Variants in CWC27 observed in about 807,000 individuals in gnomAD.
CWC27 encodes the protein spliceosome-associated protein CWC27 homolog.
In CWC27, 47 loss-of-function variants were observed where a neutral mutation model predicts 63.6. The observed-to-expected ratio is 0.74, with a 90% CI of 0.58 to 0.94. CWC27 has a LOEUF of 0.94. CWC27 is among the 40% of genes least tolerant of loss of function. CWC27 has a pLI of 0.00. For synonymous variants in CWC27, 175 were observed against 179.8 expected, an observed-to-expected ratio of 0.97 and a Z score of 0.22; for missense variants, 495 against 554.3, an observed-to-expected ratio of 0.89 and a Z score of 1.07.
intron 11 of CWC27, among the ~76,000 whole-genome samples, chr5:64,924,438 T>C (rs1316510595): frequency 2.0e-5 from 3 of 152,328 alleles, no homozygotes; most frequent in Admixed American, 6.5e-5. Flanking sequence ...TAAAATGTGA[T>C]CAGAATCTGA....
chr5:64,992,723 C>T (rs1301830068), intron 13 of CWC27, among the ~76,000 whole-genome samples: 1 of 149,026 alleles, frequency 6.7e-6, no homozygotes, highest in East Asian at 2.0e-4. Context: ...TTAATAGAGA[C>T]AGGGTTTCAC....
rs543492497 is a variant in CWC27, at chr5:64,786,509, TA to T, written c.496-14del. 210 of 1,461,278 alleles carry T rather than the reference TA, an allele frequency of 1.4e-4. 1 individual carries two copies. The Admixed American group carries it at 1.9e-3, about 13-fold the overall frequency. The allele number at this position is 1,461,278 out of a possible 1,614,324, so 90.5% of individuals were successfully genotyped here. On this transcript the variant is annotated splice_polypyrimidine_tract_variant and intron_variant, in intron 5 of 13. Coordinates refer to ENST00000381070, the MANE Select transcript of CWC27 (RefSeq NM_005869.4). ...TAAAAATGGAATAATGTTTTCGAAA[TA>T]TTTTTTTTCATAGGTTTTGTTTAAT...
intron 11 of CWC27, among the ~76,000 whole-genome samples, chr5:64,960,843 G>A (rs551157577): frequency 6.6e-6 from 1 of 151,500 alleles, no homozygotes; most frequent in East Asian, 1.9e-4. Context: ...GAACTCCTAG[G>A]CCCAAGTGAT....
chr5:64,966,669 G>A (rs1221957211), intron 11 of CWC27, among the ~76,000 whole-genome samples: 1 of 152,028 alleles, frequency 6.6e-6, no homozygotes, highest in Non-Finnish European at 1.5e-5. Flanking sequence ...CTCCTATACT[G>A]GAAACTGAGA....
intron 10 of CWC27, among the ~76,000 whole-genome samples, chr5:64,827,721 G>A (rs1326886217): frequency 6.6e-6 from 1 of 151,868 alleles, no homozygotes; most frequent in Non-Finnish European, 1.5e-5. Flanking sequence ...CTGTTTTCAA[G>A]ATACTACATA....
rs529116735 is a variant in CWC27, at chr5:64,885,907, A to C, written c.1042+361A>C. Reference sequence around the variant, plus strand: ...AGCAAAACTTAAAGGTTGCCATAGCATCTAACTAGATTAAAAGTGCACAAG... The same window carrying C: ...AGCAAAACTTAAAGGTTGCCATAGCCTCTAACTAGATTAAAAGTGCACAAG... On this transcript the variant is annotated intron_variant, in intron 11 of 13. Transcript: ENST00000381070. Among the ~76,000 whole-genome samples, 21 of 152,286 alleles carry C rather than the reference A, an allele frequency of 1.4e-4. No individual in the cohort carries two copies. In the East Asian group the frequency reaches 3.1e-3, roughly 22 times the overall value.
intron 11 of CWC27, among the ~76,000 whole-genome samples, chr5:64,956,861 T>C (rs1388105649): frequency 6.6e-6 from 1 of 152,102 alleles, no homozygotes; most frequent in East Asian, 1.9e-4. Context: ...ATGCATGAAA[T>C]AGGGATAATA....
At chr5:64,786,797 T>C (rs993960841) in intron 6 of CWC27, among the ~76,000 whole-genome samples, 170 bp downstream of exon 6, 2 of 152,172 alleles carry the variant, frequency 1.3e-5, no homozygotes, top group African/African-American at 4.8e-5. Flanking sequence ...TTTACACTGC[T>C]ATAAAGACAT....
chr5:64,835,816 T>G (rs1337288363), intron 10 of CWC27, among the ~76,000 whole-genome samples: 1 of 151,870 alleles, frequency 6.6e-6, no homozygotes, highest in South Asian at 2.1e-4. Flanking sequence ...AACCACTGTA[T>G]TTTTGCCTAA....
chr5:64,823,915 T>A (rs1745285370), intron 10 of CWC27, among the ~76,000 whole-genome samples: 1 of 152,218 alleles, frequency 6.6e-6, no homozygotes, highest in African/African-American at 2.4e-5. Context: ...TTTGTTTAAT[T>A]TTGAATGTTT....
Position 64,769,066 on chromosome 5 carries a change from G to C in CWC27, c.-81G>C. 8.7e-7 allele frequency: 1 copy of C among 1,143,018 alleles called. No individual in the cohort carries two copies. Among genetic ancestry groups the C allele is most frequent in the African/African-American group, 1.6e-5 (1 of 64,044 alleles). The allele number at this position is 1,143,018 out of a possible 1,614,324, so 70.8% of individuals were successfully genotyped here. A position where few individuals can be genotyped will look rare whatever the true frequency, so the allele number is the denominator to read the frequency against. ...TGCACCACTGGACTTAAGGAAGAGT[G>C]TACTCGTAGGCGGACAGCTTTAGTG... is the stretch of plus-strand genomic sequence containing the variant. On this transcript the variant is annotated 5_prime_UTR_variant, in exon 1 of 14. Transcript: ENST00000381070.
chr5:64,901,923 G>A (rs922001028), intron 11 of CWC27, among the ~76,000 whole-genome samples: 4 of 152,126 alleles, frequency 2.6e-5, no homozygotes, highest in Non-Finnish European at 4.4e-5. Context: ...ACAGGGTCAA[G>A]ATCATCAATA....
chr5:64,911,642 T>G (rs1446318004), intron 11 of CWC27, among the ~76,000 whole-genome samples: 2 of 152,150 alleles, frequency 1.3e-5, no homozygotes, highest in East Asian at 3.9e-4. Flanking sequence ...AAAGGTACTG[T>G]GGTGTTTTTA....
rs185757472 is a variant in CWC27, at chr5:64,982,460, C to T, written c.1256+5222C>T. 1.3e-4 allele frequency among the ~76,000 whole-genome samples: 20 copies of T among 151,894 alleles called. 1 individual carries two copies. Among genetic ancestry groups the T allele is most frequent in the African/African-American group, 4.8e-4 (20 of 41,448 alleles). On this transcript the variant is annotated intron_variant, in intron 13 of 13. Coordinates refer to ENST00000381070, the MANE Select transcript of CWC27 (RefSeq NM_005869.4). Reference sequence around the variant, plus strand: ...ACCTCAGCCTCCCAAGTAGCTAAGACCACAGGCATACACCACCATACTCGG... The same window carrying T: ...ACCTCAGCCTCCCAAGTAGCTAAGATCACAGGCATACACCACCATACTCGG...
chr5:64,772,624 C>CAAA lies in CWC27; in HGVS notation c.43-2038_43-2036dup, dbSNP rs58675990. ...TCTGGGAGACAGTGAGACTCTGTCTCAAAAAAAAAAAAAAAAAAAAAAAAA... is the reference window on the plus strand; with the variant it reads ...TCTGGGAGACAGTGAGACTCTGTCTCAAAAAAAAAAAAAAAAAAAAAAAAAAAA... On this transcript the variant is annotated intron_variant, in intron 1 of 13. Coordinates refer to ENST00000381070, the MANE Select transcript of CWC27 (RefSeq NM_005869.4). 3.1e-4 allele frequency among the ~76,000 whole-genome samples: 16 copies of CAAA among 52,176 alleles called. 1 individual carries two copies. The highest frequency in any genetic ancestry group is 4.1e-4 in the Non-Finnish European group (11 of 26,542). The allele number at this position is 52,176 out of a possible 152,430, so 34.2% of individuals were successfully genotyped here.
intron 13 of CWC27, among the ~76,000 whole-genome samples, chr5:64,988,571 G>A (rs1011700040): frequency 7.3e-5 from 11 of 150,218 alleles, no homozygotes; most frequent in Non-Finnish European, 1.2e-4. Context: ...TACGCCACCC[G>A]CTGTCCAGCG....
At chr5:64,982,230 T>C (rs1247918279) in intron 13 of CWC27, among the ~76,000 whole-genome samples, 1 of 152,228 alleles carries the variant, frequency 6.6e-6, no homozygotes, top group Non-Finnish European at 1.5e-5. Flanking sequence ...TTGCTTATAC[T>C]AGCAAAGCTT....
At chr5:64,990,325 C>T (rs1322042204) in intron 13 of CWC27, among the ~76,000 whole-genome samples, 4 of 85,414 alleles carry the variant, frequency 4.7e-5, no homozygotes, top group Non-Finnish European at 6.6e-5. Context: ...AGTGCAGTGG[C>T]GGGATCTCGG....
At chr5:64,885,739 T>TGTGTGTGTGTGTGTGTGTG (rs1427858737) in intron 11 of CWC27, among the ~76,000 whole-genome samples, 193 bp downstream of exon 11, 7 of 24,326 alleles carry the variant, frequency 2.9e-4, no homozygotes, top group South Asian at 2.9e-3. Context: ...GTGTGTGTGT[T>TGTGTGTGTGTGTGTGTGTG]TTTAATACTT....
Sources: allele counts gnomAD v4.1 joint callset (sites outside exome capture counted in the v4.1 genomes callset), GRCh38; gene constraint gnomAD v4.1.1; transcripts MANE v1.5; gene names NCBI Gene and HGNC (gene_info 2026-07-23, HGNC 2026-07-21).